IPPK: variants seen among roughly 807,000 people sequenced by gnomAD.
IPPK encodes the protein IPK1 homolog.
Under a neutral mutation model 64.6 loss-of-function variants are expected in IPPK, and 22 were observed. The ratio of observed to expected loss-of-function variants is 0.34; its 90% CI spans 0.24 to 0.49. The LOEUF (loss-of-function observed/expected upper bound fraction) is 0.49. Among genes scored for constraint, IPPK ranks in the 20% least tolerant of loss-of-function variants. IPPK has a pLI of 0.99. For missense variants in IPPK, 532 were observed against 630.7 expected (o/e 0.84, Z 1.68); for synonymous variants, 262 against 247.2 (o/e 1.06, Z -0.56).
chr9:92,628,330 T>A (rs1313050240), intron 11 of IPPK, among the ~76,000 whole-genome samples: 1 of 152,176 alleles, frequency 6.6e-6, no homozygotes, highest in African/African-American at 2.4e-5. Flanking sequence ...ATTCTAAAAT[T>A]CATATGGAAT....
Position 92,635,911 on chromosome 9 carries a change from CAGG to C in IPPK, c.917-606_917-604del, listed in dbSNP as rs1340393612. Among the ~76,000 whole-genome samples the C allele has an allele frequency of 6.6e-6, 1 of 152,120 alleles. No homozygotes were observed. Among genetic ancestry groups the C allele is most frequent in the African/African-American group, 2.4e-5 (1 of 41,418 alleles). On this transcript the variant is annotated intron_variant, in intron 9 of 12. Transcript: ENST00000287996. This position sits in a 1 kb window ranked among gnomAD's most constrained non-coding sequence, Gnocchi z 4.4. Reference sequence around the variant, plus strand: ...AGAGCCATGAGCCCACACTGAGAGGCAGGTAAGACCTGGGCTGGCGACAGGCAC... The same window carrying C: ...AGAGCCATGAGCCCACACTGAGAGGCTAAGACCTGGGCTGGCGACAGGCAC...
intron 12 of IPPK, 43 bp downstream of exon 12, chr9:92,619,442 AC>A: frequency 6.8e-7 from 1 of 1,474,558 alleles, no homozygotes; most frequent in Non-Finnish European, 9.3e-7. Flanking sequence ...TGTCCATAAA[AC>A]CCCGTTAGAC....
At position 92,669,967 on chromosome 9, in the gene IPPK, C is replaced by T. The variant is rs758249259; in HGVS notation, c.22G>A (p.Glu8Lys). 1.2e-6 allele frequency: 2 copies of T among 1,613,038 alleles called. No homozygotes were observed. Among genetic ancestry groups the T allele is most frequent in the Non-Finnish European group, 1.7e-6 (2 of 1,179,472 alleles). The stretch of plus-strand genomic sequence containing the variant: ...TCTCCGTGGTACCCCCATTCATTCT[C>T]GTCCATCTTCCCCTCTTCCATGCCC... The part of the protein sequence containing the change: MEEGKMD[E>K]NEWGYHGEGN... Residue 8 changes from glutamate to lysine, a missense_variant, in exon 1 of 13, where the codon GAG (glutamate) becomes AAG (lysine). Glu to Lys is a moderately conservative substitution (Grantham distance 56, BLOSUM62 1). Transcript: ENST00000287996.
intron 11 of IPPK, among the ~76,000 whole-genome samples, chr9:92,631,349 C>T (rs1444801813): frequency 6.6e-6 from 1 of 152,170 alleles, no homozygotes; most frequent in Non-Finnish European, 1.5e-5. Context: ...GCATGCACCA[C>T]CATGCCTGGC....
At chr9:92,655,538 T>C (rs1451625141) in intron 3 of IPPK, among the ~76,000 whole-genome samples, 8 of 151,974 alleles carry the variant, frequency 5.3e-5, no homozygotes, top group African/African-American at 1.9e-4. Flanking sequence ...CCCTATCCTG[T>C]CCCCTCAGAG....
At chr9:92,644,208 T>G (rs1852105764) in intron 6 of IPPK, among the ~76,000 whole-genome samples, 1 of 152,192 alleles carries the variant, frequency 6.6e-6, no homozygotes, top group South Asian at 2.1e-4. Context: ...TCAAAAAGTT[T>G]TGAACTCTGG....
chr9:92,659,546 G>GTA (rs1362777459), intron 1 of IPPK, among the ~76,000 whole-genome samples: 1 of 152,010 alleles, frequency 6.6e-6, no homozygotes, highest in Non-Finnish European at 1.5e-5. Flanking sequence ...TTCTAAGAAC[G>GTA]TACATTATAT....
chr9:92,657,840 G>A (rs890826714), intron 2 of IPPK, among the ~76,000 whole-genome samples: 2 of 140,018 alleles, frequency 1.4e-5, no homozygotes, highest in African/African-American at 2.6e-5. Flanking sequence ...ACCACCCCCC[G>A]GCCTCCCTTT....
In IPPK at chr9:92,616,380, AAAGT is replaced by A. The variant is rs1369980934; in HGVS notation, c.1251-327_1251-324del. 5.5e-5 allele frequency: 13 copies of A among 237,566 alleles called. No homozygotes were observed. The South Asian group carries it at 7.5e-4, about 14-fold the overall frequency. 14.7% of individuals were successfully genotyped at this position (237,566 alleles called of 1,614,324 possible). A position where few individuals can be genotyped will look rare whatever the true frequency, so the allele number is the denominator to read the frequency against. On this transcript the variant is annotated intron_variant, in intron 12 of 12. Transcript: ENST00000287996. ...GAGGGTTAAAGGACTGAAAGATGGA[AAAGT>A]AATTATGTGGAACATGTGAGCGATG...
Position 92,638,310 on chromosome 9 carries a change from G to A in IPPK, c.637-30C>T, listed in dbSNP as rs768346207. The A allele has an allele frequency of 1.5e-5, 24 of 1,598,312 alleles. No individual in the cohort carries two copies. The East Asian group carries it at 2.0e-4, about 13-fold the overall frequency. On this transcript the variant is annotated intron_variant, in intron 8 of 12. Transcript: ENST00000287996. ...AGACAGGGAAAAGAAAGAGGGAAAC[G>A]TCAAACCACCAAGCTTGTAGGAAAA...
chr9:92,649,608 G>C, intron 4 of IPPK, 34 bp from the exon 5 acceptor site: 2 of 1,611,726 alleles, frequency 1.2e-6, no homozygotes, highest in Non-Finnish European at 1.7e-6. Flanking sequence ...ACAGAGCAAG[G>C]TCAGTGAGAG....
intron 6 of IPPK, among the ~76,000 whole-genome samples, chr9:92,647,834 G>T (rs1254289754): frequency 6.6e-6 from 1 of 152,188 alleles, no homozygotes; most frequent in Non-Finnish European, 1.5e-5. Flanking sequence ...GGAGGCTGCA[G>T]TGAGTATGAT....
intron 11 of IPPK, among the ~76,000 whole-genome samples, chr9:92,621,918 G>T (rs1315972088): frequency 6.6e-6 from 1 of 152,120 alleles, no homozygotes; most frequent in South Asian, 2.1e-4. Flanking sequence ...GCTGAACACA[G>T]ACATTACAAA....
At chr9:92,623,751 G>GTGAC (rs1851685670) in intron 11 of IPPK, among the ~76,000 whole-genome samples, 1 of 152,154 alleles carries the variant, frequency 6.6e-6, no homozygotes, top group South Asian at 2.1e-4. Context: ...TGGAGCACAG[G>GTGAC]TGACTCCTAA....
intron 6 of IPPK, among the ~76,000 whole-genome samples, chr9:92,646,500 T>C (rs1407746162): frequency 3.9e-5 from 6 of 152,060 alleles, no homozygotes; most frequent in Non-Finnish European, 8.8e-5. Context: ...AAGTAAACAC[T>C]CCTAATTATC....
rs10992385 is a variant in IPPK at position 92,633,384 on chromosome 9, T to C, written c.1170+1002A>G. Among the ~76,000 whole-genome samples, 6 of 144,890 alleles carry C rather than the reference T, an allele frequency of 4.1e-5. No individual in the cohort carries two copies. In the South Asian group the frequency reaches 1.3e-3, roughly 32 times the overall value. On this transcript the variant is annotated intron_variant, in intron 11 of 12. Coordinates refer to ENST00000287996, the MANE Select transcript of IPPK (RefSeq NM_022755.6). ...GTAAAATACCAAAAAAAAAAAAAAA[T>C]GTTTTTTTGAGACGGGGCTTGCTCT...
rs184423908 is a variant in IPPK, at chr9:92,649,767, C to T, written c.293-193G>A. On this transcript the variant is annotated intron_variant, in intron 4 of 12. Coordinates refer to ENST00000287996, the MANE Select transcript of IPPK (RefSeq NM_022755.6). ...TTTAGGCCAGGTGAGGTGGCTCACACCTGTTATCCCAGCACTTTGGGAGGC... is the reference window on the plus strand; with the variant it reads ...TTTAGGCCAGGTGAGGTGGCTCACATCTGTTATCCCAGCACTTTGGGAGGC... 3.5e-4 allele frequency among the ~76,000 whole-genome samples: 54 copies of T among 152,260 alleles called. 1 individual carries two copies. The East Asian group carries it at 0.01, about 28-fold the overall frequency.
Position 92,640,886 on chromosome 9 carries a change from G to A in IPPK, c.564-104C>T, listed in dbSNP as rs1014236789. Reference sequence around the variant, plus strand: ...AGAGGACATGCTGGGTACTCCCAGGGGCCGCTGGGAAACCCAGAGTCCAAC... The same window carrying A: ...AGAGGACATGCTGGGTACTCCCAGGAGCCGCTGGGAAACCCAGAGTCCAAC... On this transcript the variant is annotated intron_variant, in intron 7 of 12. Coordinates refer to ENST00000287996, the MANE Select transcript of IPPK (RefSeq NM_022755.6). 5 of 819,406 alleles carry A rather than the reference G, an allele frequency of 6.1e-6. No homozygotes were observed. The East Asian group carries it at 7.3e-5, about 12-fold the overall frequency. The allele number at this position is 819,406 out of a possible 1,614,324, so 50.8% of individuals were successfully genotyped here.
At position 92,642,742 on chromosome 9, in the gene IPPK, G is replaced by T. The variant is rs377411252; in HGVS notation, c.563+10C>A. ...TGACACAAGGGGGCAAAGGAGAAGTGTTCTCTTACCCTGAGTAGAGATCAA... is the reference window on the plus strand; with the variant it reads ...TGACACAAGGGGGCAAAGGAGAAGTTTTCTCTTACCCTGAGTAGAGATCAA... On this transcript the variant is annotated intron_variant, in intron 7 of 12. Transcript: ENST00000287996. The T allele has an allele frequency of 2.6e-5, 42 of 1,612,666 alleles. No homozygotes were observed. The highest frequency in any genetic ancestry group is 3.6e-5 in the Non-Finnish European group (42 of 1,178,838).
Sources: allele counts gnomAD v4.1 joint callset (sites outside exome capture counted in the v4.1 genomes callset), GRCh38; gene constraint gnomAD v4.1.1; non-coding constraint Gnocchi (gnomAD v3.1); transcripts MANE v1.5; gene names NCBI Gene and HGNC (gene_info 2026-07-23, HGNC 2026-07-21).